CLC: variants seen among roughly 807,000 people sequenced by gnomAD.
CLC encodes the protein galectin-10.
A neutral mutation model predicts 13.9 loss-of-function variants in CLC; 15 were observed. That is an observed-to-expected ratio of 1.08 (90% confidence interval 0.72 to 1.66). The LOEUF (loss-of-function observed/expected upper bound fraction) is 1.66. CLC is among the 40% of genes most tolerant of loss of function. The pLI is 0.00. For synonymous variants in CLC, 68 were observed against 59.9 expected (o/e 1.14, Z -0.63); for missense variants, 161 against 169.1 (o/e 0.95, Z 0.27).
At chr19:39,734,095 C>A (rs1021904523) in intron 3 of CLC, 188 bp downstream of exon 3, 1 of 984,170 alleles carries the variant, frequency 1.0e-6, no homozygotes, top group African/African-American at 1.8e-5. Flanking sequence ...GTAAAGGGAA[C>A]CCCTGTGTGT....
chr19:39,734,192 G>A, intron 3 of CLC, 91 bp downstream of exon 3: 7 of 1,448,086 alleles, frequency 4.8e-6, no homozygotes, highest in Non-Finnish European at 6.6e-6. Flanking sequence ...GCCGGGGACA[G>A]AGGGAGTTAT....
chr19:39,736,512 C>T (rs1282261437), intron 1 of CLC, among the ~76,000 whole-genome samples: 5 of 152,120 alleles, frequency 3.3e-5, no homozygotes, highest in Non-Finnish European at 5.9e-5. Context: ...TGGTGGCTCA[C>T]GCCTGTAATC....
At chr19:39,733,988 G>A in intron 3 of CLC, 1 of 985,336 alleles carries the variant, frequency 1.0e-6, no homozygotes, top group Non-Finnish European at 1.2e-6. Context: ...ATTGACCCTG[G>A]TCAGGTATGG....
intron 3 of CLC, chr19:39,734,026 G>C (rs1400558661): frequency 2.0e-6 from 2 of 985,302 alleles, no homozygotes; most frequent in Non-Finnish European, 2.4e-6. Flanking sequence ...GCAGTGCAAG[G>C]AGAGGTGATG....
chr19:39,733,569 T>C (rs1392544976), intron 3 of CLC, among the ~76,000 whole-genome samples: 4 of 152,320 alleles, frequency 2.6e-5, no homozygotes, highest in South Asian at 2.1e-4. Context: ...GTACAGCAAG[T>C]TGAGGAAATC....
chr19:39,735,055 C>G lies in CLC; in HGVS notation c.34G>C (p.Ala12Pro). The G allele has an allele frequency of 6.2e-7, 1 of 1,613,876 alleles. No individual in the cohort carries two copies. Among genetic ancestry groups the G allele is most frequent in the African/African-American group, 1.3e-5 (1 of 75,032 alleles). The change falls in exon 2 of 4, where the codon GCC (alanine) becomes CCC (proline). Residue 12 changes from alanine (A) to proline (P), a missense_variant. Transcript: ENST00000221804. Reference protein sequence around the residue: ...SLLPVPYTEAASLSTGSTVTI... With the variant: ...SLLPVPYTEAPSLSTGSTVTI... ...ACAGTAGAACCAGTAGACAAAGAGGCAGCCTCTGTGTATGGCACCTGCCAG... is the reference window on the plus strand; with the variant it reads ...ACAGTAGAACCAGTAGACAAAGAGGGAGCCTCTGTGTATGGCACCTGCCAG...
intron 3 of CLC, among the ~76,000 whole-genome samples, chr19:39,732,886 C>T (rs1260870292): frequency 7.1e-6 from 1 of 141,356 alleles, no homozygotes; most frequent in East Asian, 2.0e-4. Context: ...ATGTCCAAAA[C>T]ACCAAAAGCA....
At chr19:39,732,764 T>C (rs1967244821) in intron 3 of CLC, among the ~76,000 whole-genome samples, 1 of 151,732 alleles carries the variant, frequency 6.6e-6, no homozygotes, top group Non-Finnish European at 1.5e-5. Context: ...GACTTTTTAA[T>C]GATTGCCATT....
intron 3 of CLC, 67 bp from the exon 4 acceptor site, chr19:39,731,572 A>ATGG (rs1967226622): frequency 6.6e-7 from 1 of 1,519,798 alleles, no homozygotes; most frequent in Admixed American, 1.9e-5. Context: ...CCTGCTCTCT[A>ATGG]TGGTGTCATA....
intron 3 of CLC, among the ~76,000 whole-genome samples, chr19:39,733,279 G>A (rs1231643906): frequency 1.3e-5 from 2 of 152,280 alleles, no homozygotes; most frequent in South Asian, 4.2e-4. Context: ...ACTTTAATCT[G>A]AATAAAATGT....
chr19:39,734,625 G>A (rs960699493), intron 2 of CLC, 132 bp from the exon 3 acceptor site: 11 of 723,582 alleles, frequency 1.5e-5, no homozygotes, highest in African/African-American at 1.2e-4. Context: ...GTCATTGTGG[G>A]GCTGCTTCAG....
Position 39,737,976 on chromosome 19 carries a change from T to A in CLC, c.-24A>T, listed in dbSNP as rs1431116881. ...ATTGTTGTCTCCTTCTGGGTGGCTCTTCTGAATTGTGTCCAGACTTCTGTG... is the reference window on the plus strand; with the variant it reads ...ATTGTTGTCTCCTTCTGGGTGGCTCATCTGAATTGTGTCCAGACTTCTGTG... On this transcript the variant is annotated 5_prime_UTR_variant, in exon 1 of 4. It adds an upstream start codon to the 5' untranslated region. Transcript: ENST00000221804. The A allele has an allele frequency of 6.2e-7, 1 of 1,611,740 alleles. No individual in the cohort carries two copies. Among genetic ancestry groups the A allele is most frequent in the Non-Finnish European group, 8.5e-7 (1 of 1,178,408 alleles).
At chr19:39,734,233 G>C in intron 3 of CLC, 50 bp downstream of exon 3, 1 of 1,577,722 alleles carries the variant, frequency 6.3e-7, no homozygotes, top group Non-Finnish European at 8.7e-7. Flanking sequence ...GCTGCCTCCT[G>C]CTCTGAGATC....
Position 39,734,506 on chromosome 19 carries a change from C to A in CLC, c.93-13G>T, listed in dbSNP as rs1967278654. The A allele has an allele frequency of 6.2e-7, 1 of 1,609,556 alleles. No individual in the cohort carries two copies. Among genetic ancestry groups the A allele is most frequent in the Admixed American group, 1.7e-5 (1 of 59,994 alleles). On this transcript the variant is annotated splice_polypyrimidine_tract_variant and intron_variant, in intron 2 of 3. Transcript: ENST00000221804. ...ATATGGTTCATTCCTGAGGGCAGAGCACACAGTGTTGAGCAGGTCCCTTTC... is the reference window on the plus strand; with the variant it reads ...ATATGGTTCATTCCTGAGGGCAGAGAACACAGTGTTGAGCAGGTCCCTTTC...
At chr19:39,734,642 G>T in intron 2 of CLC, 149 bp from the exon 3 acceptor site, 1 of 676,176 alleles carries the variant, frequency 1.5e-6, no homozygotes, top group Non-Finnish European at 2.6e-6. Flanking sequence ...TCAGCTCCTT[G>T]TGTTCTCCAT....
At chr19:39,737,792 A>T in intron 1 of CLC, 146 bp downstream of exon 1, 1 of 789,784 alleles carries the variant, frequency 1.3e-6, no homozygotes, top group Non-Finnish European at 2.0e-6. Context: ...CTCAGATACC[A>T]TAGCCCTAGG....
In CLC at chr19:39,734,269, C is replaced by T; in HGVS notation, c.303+14G>A. ...CCATGGAAGCCGGGTGCGGGGAGCT[C>T]CTGGGGTGCTCACCTGGTACTTATC... On this transcript the variant is annotated intron_variant, in intron 3 of 3. Transcript: ENST00000221804. 6.2e-7 allele frequency: 1 copy of T among 1,612,052 alleles called. No homozygotes were observed. The highest frequency in any genetic ancestry group is 8.5e-7 in the Non-Finnish European group (1 of 1,179,566).
intron 3 of CLC, 37 bp from the exon 4 acceptor site, chr19:39,731,542 T>G: frequency 1.3e-6 from 2 of 1,574,742 alleles, no homozygotes; most frequent in Non-Finnish European, 1.7e-6. Flanking sequence ...AAGACAGTAT[T>G]TCACCAAACA....
At chr19:39,736,816 G>A (rs1356864799) in intron 1 of CLC, among the ~76,000 whole-genome samples, 1 of 151,610 alleles carries the variant, frequency 6.6e-6, no homozygotes, top group Non-Finnish European at 1.5e-5. Context: ...GAAGGCCTGG[G>A]CTTCAGTGAA....
Sources: gnomAD v4.1 joint callset for allele counts (sites outside exome capture counted in the v4.1 genomes callset) on GRCh38, gnomAD v4.1.1 for gene constraint, MANE v1.5 for transcripts, NCBI Gene and HGNC (gene_info 2026-07-23, HGNC 2026-07-21) for gene names.